MEGF9: variants seen among roughly 807,000 people sequenced by gnomAD.
MEGF9 encodes multiple epidermal growth factor-like domains protein 9.
MEGF9 carries 6 observed loss-of-function variants against 46.8 expected under a neutral mutation model. The observed-to-expected ratio is 0.13, with a 90% CI of 0.07 to 0.25. MEGF9 has a LOEUF of 0.25. Among genes scored for constraint, MEGF9 ranks in the 10% least tolerant of loss-of-function variants. MEGF9 has a pLI of 1.00. For synonymous variants in MEGF9, 302 were observed against 330.7 expected, an observed-to-expected ratio of 0.91 and a Z score of 0.94; for missense variants, 683 against 792.4, an observed-to-expected ratio of 0.86 and a Z score of 1.66.
intron 2 of MEGF9, among the ~76,000 whole-genome samples, chr9:120,627,761 C>A (rs1209011137): frequency 6.6e-6 from 1 of 152,212 alleles, no homozygotes; most frequent in Non-Finnish European, 1.5e-5. Flanking sequence ...CTGCGCCCAG[C>A]CCATAGTTCT....
intron 1 of MEGF9, among the ~76,000 whole-genome samples, chr9:120,680,579 A>G (rs985466628): frequency 6.6e-6 from 1 of 152,040 alleles, no homozygotes; most frequent in Non-Finnish European, 1.5e-5. Context: ...TCAGACCTGA[A>G]GCCACCACAG....
intron 1 of MEGF9, among the ~76,000 whole-genome samples, chr9:120,682,435 G>A (rs2043802564): frequency 6.6e-6 from 1 of 152,124 alleles, no homozygotes; most frequent in South Asian, 2.1e-4. Context: ...AGTACAAAGA[G>A]AACAAAAGGA....
At chr9:120,624,595 T>C (rs1456189641) in intron 2 of MEGF9, among the ~76,000 whole-genome samples, 1 of 152,022 alleles carries the variant, frequency 6.6e-6, no homozygotes, top group Non-Finnish European at 1.5e-5. Context: ...AGGCCGGGCG[T>C]GGTGGCTCAC....
chr9:120,689,970 G>T, intron 1 of MEGF9: 1 of 532,298 alleles, frequency 1.9e-6, no homozygotes, highest in Non-Finnish European at 3.9e-6. Context: ...GACTGGCTGT[G>T]TAAGAGGCAA....
At chr9:120,671,961 C>G (rs560626029) in intron 1 of MEGF9, among the ~76,000 whole-genome samples, 7 of 152,278 alleles carry the variant, frequency 4.6e-5, no homozygotes, top group African/African-American at 9.6e-5. Flanking sequence ...CACTTGAAAA[C>G]TAATCAGTGC....
rs556567028 is a variant in MEGF9 at position 120,613,393 on chromosome 9, T to G, written c.944-854A>C. Among the ~76,000 whole-genome samples the G allele has an allele frequency of 2.6e-5, 4 of 151,976 alleles. No individual in the cohort carries two copies. The South Asian group carries it at 8.4e-4, about 32-fold the overall frequency. ...CAGGACTACGGAGGAAAAGAGGACC[T>G]CAACTTTATTGAAATTTTCTATTTC... On this transcript the variant is annotated intron_variant, in intron 3 of 5. Transcript: ENST00000373930.
intron 2 of MEGF9, among the ~76,000 whole-genome samples, chr9:120,639,493 G>A (rs2071461590): frequency 7.3e-6 from 1 of 136,910 alleles, no homozygotes; most frequent in South Asian, 2.5e-4. Flanking sequence ...GGGTGACAGA[G>A]TGAGACTCCG....
chr9:120,604,220 C>A lies in MEGF9; in HGVS notation c.*970G>T, dbSNP rs539783414. 6.6e-6 allele frequency: 1 copy of A among 152,406 alleles called. No individual in the cohort carries two copies. Among genetic ancestry groups the A allele is most frequent in the Non-Finnish European group, 1.5e-5 (1 of 68,002 alleles). 9.4% of individuals were successfully genotyped at this position (152,406 alleles called of 1,614,324 possible). On this transcript the variant is annotated 3_prime_UTR_variant, in exon 6 of 6. Coordinates refer to ENST00000373930, the MANE Select transcript of MEGF9 (RefSeq NM_001080497.3). ...CTGAGAAAGGAAAGAAAGAAACATTCGACCTCTTATAAATTTCAGCAATGT... is the reference window on the plus strand; with the variant it reads ...CTGAGAAAGGAAAGAAAGAAACATTAGACCTCTTATAAATTTCAGCAATGT...
intron 1 of MEGF9, among the ~76,000 whole-genome samples, chr9:120,710,398 T>C (rs2132347978): frequency 7.8e-6 from 1 of 128,470 alleles, no homozygotes; most frequent in East Asian, 2.3e-4. Flanking sequence ...CACTCCAGCC[T>C]GGGCAACAAG....
chr9:120,658,627 C>T (rs779805088), intron 2 of MEGF9, among the ~76,000 whole-genome samples: 65 of 152,192 alleles, frequency 4.3e-4, no homozygotes, highest in Admixed American at 3.3e-4. Flanking sequence ...ACCCAGGTTA[C>T]ACTGAGTATA....
At chr9:120,663,757 G>A (rs2043713296) in intron 1 of MEGF9, among the ~76,000 whole-genome samples, 1 of 152,146 alleles carries the variant, frequency 6.6e-6, no homozygotes, top group African/African-American at 2.4e-5. Context: ...ACTCTTTATC[G>A]TGTGAGTAGC....
rs769570972 is a variant in MEGF9, at chr9:120,711,836, T to TACACACACACAC, written c.601+1921_601+1922insGTGTGTGTGTGT. 2.0e-3 allele frequency among the ~76,000 whole-genome samples: 112 copies of TACACACACACAC among 56,506 alleles called. 1 individual carries two copies. The highest frequency in any genetic ancestry group is 5.1e-3 in the African/African-American group (108 of 21,078). The allele number at this position is 56,506 out of a possible 152,430, so 37.1% of individuals were successfully genotyped here. On this transcript the variant is annotated intron_variant, in intron 1 of 5. Transcript: ENST00000373930. ...AGTTTTCTCAAATGCTTTCTATACA[T>TACACACACACAC]ACATACATACACACACACACACACA...
At chr9:120,670,726 A>G (rs571539134) in intron 1 of MEGF9, among the ~76,000 whole-genome samples, 2 of 152,076 alleles carry the variant, frequency 1.3e-5, no homozygotes, top group South Asian at 4.2e-4. Context: ...AGCTCCTTCC[A>G]AGACCAAACA....
At position 120,659,513 on chromosome 9, in the gene MEGF9, C is replaced by CTGTG; in HGVS notation, c.660_663dup (p.Gly222HisfsTer5). On this transcript the variant is annotated frameshift_variant, in exon 2 of 6. Transcript: ENST00000373930. LOFTEE classifies it high-confidence loss of function. ...TAACCTGGCCGACACTCACACTGCC[C>CTGTG]TGTGGTCTGGTTGCAGCGATTCACA... is the stretch of plus-strand genomic sequence containing the variant. 6.2e-7 allele frequency: 1 copy of CTGTG among 1,613,752 alleles called. No homozygotes were observed. Among genetic ancestry groups the CTGTG allele is most frequent in the Non-Finnish European group, 8.5e-7 (1 of 1,179,818 alleles).
At chr9:120,691,277 G>A (rs2043846817) in intron 1 of MEGF9, 1 of 248,952 alleles carries the variant, frequency 4.0e-6, no homozygotes, top group Non-Finnish European at 8.6e-6. Context: ...TGTGGATGAG[G>A]CAGGACTGGC....
chr9:120,685,695 TATGATTCAACAATCTCATTA>T (rs1423077175), intron 1 of MEGF9, among the ~76,000 whole-genome samples: 1 of 152,198 alleles, frequency 6.6e-6, no homozygotes, highest in Non-Finnish European at 1.5e-5. Flanking sequence ...ATTTACCATA[TATGATTCAACAATCTCATTA>T]ATGGGTTTAT....
intron 2 of MEGF9, among the ~76,000 whole-genome samples, chr9:120,659,134 T>C (rs1348157375): frequency 6.6e-6 from 1 of 152,172 alleles, no homozygotes; most frequent in East Asian, 1.9e-4. Context: ...ACAGAAATTA[T>C]CCCAGAGAAA....
chr9:120,713,119 G>A (rs1048759880), intron 1 of MEGF9, among the ~76,000 whole-genome samples: 10 of 152,190 alleles, frequency 6.6e-5, no homozygotes, highest in Non-Finnish European at 1.2e-4. Context: ...ATTTGTAAAT[G>A]TGCTCAGCCT....
intron 1 of MEGF9, among the ~76,000 whole-genome samples, chr9:120,695,633 A>C (rs988096661): frequency 6.0e-5 from 9 of 151,208 alleles, no homozygotes; most frequent in African/African-American, 1.9e-4. Flanking sequence ...AAAAAAAGCA[A>C]ATAATCAAAA....
Sources: allele counts gnomAD v4.1 joint callset (sites outside exome capture counted in the v4.1 genomes callset), GRCh38; gene constraint gnomAD v4.1.1; transcripts MANE v1.5; gene names NCBI Gene and HGNC (gene_info 2026-07-23, HGNC 2026-07-21).